PRSS38: variants seen among roughly 807,000 people sequenced by gnomAD.
PRSS38 encodes the protein marapsin 2.
In PRSS38, 22 loss-of-function variants were observed where a neutral mutation model predicts 26.8. The observed-to-expected ratio is 0.82, with a 90% CI of 0.59 to 1.17. The LOEUF (loss-of-function observed/expected upper bound fraction) is 1.17, where lower values mean the gene tolerates loss of function less well. PRSS38 is among the 50% of genes most tolerant of loss of function. PRSS38 has a pLI of 0.00. For missense variants in PRSS38, 427 were observed against 422.7 expected (o/e 1.01, Z -0.09); for synonymous variants, 175 against 172.1 (o/e 1.02, Z -0.13).
exon 1 of PRSS38, chr1:227,815,780 C>T: frequency 1.2e-6 from 2 of 1,612,334 alleles, no homozygotes; most frequent in South Asian, 2.2e-5. Flanking sequence ...TCTGCTGCTG[C>T]TCCTGGTGGT....
At chr1:227,824,106 T>C (rs972000185) in intron 3 of PRSS38, among the ~76,000 whole-genome samples, 1 of 152,160 alleles carries the variant, frequency 6.6e-6, no homozygotes, top group Non-Finnish European at 1.5e-5. Context: ...ATGCAAGAGG[T>C]GCAGTTTTGT....
At position 227,844,632 on chromosome 1, in the gene PRSS38, T is replaced by C. The variant is rs543977247; in HGVS notation, c.584-838T>C. Among the ~76,000 whole-genome samples, 12 of 143,218 alleles carry C rather than the reference T, an allele frequency of 8.4e-5. No homozygotes were observed. The South Asian group carries it at 2.5e-3, about 30-fold the overall frequency. The allele number at this position is 143,218 out of a possible 152,430, so 94.0% of individuals were successfully genotyped here. On this transcript the variant is annotated intron_variant, in intron 3 of 4. Transcript: ENST00000366757. ...GTGTGGTGGGGCTCCTCCCTATGTG[T>C]GGTGGGGCTCCTCCTTATGTGTGGT...
chr1:227,845,799 C>T (rs1034350282), intron 4 of PRSS38, among the ~76,000 whole-genome samples, 155 bp from the exon 5 acceptor site: 1 of 152,212 alleles, frequency 6.6e-6, no homozygotes, highest in Non-Finnish European at 1.5e-5. Flanking sequence ...CAACTCTGGG[C>T]TGTGTTGCAG....
intron 3 of PRSS38, among the ~76,000 whole-genome samples, chr1:227,828,824 C>A (rs1665111391): frequency 6.6e-6 from 1 of 152,164 alleles, no homozygotes; most frequent in Non-Finnish European, 1.5e-5. Flanking sequence ...GTATACAAAA[C>A]TCCTGGGTCT....
At chr1:227,836,902 C>T (rs940502483) in intron 3 of PRSS38, among the ~76,000 whole-genome samples, 1 of 152,196 alleles carries the variant, frequency 6.6e-6, no homozygotes, top group Admixed American at 6.5e-5. Flanking sequence ...ATTGGAGTTA[C>T]AATGAATTTT....
chr1:227,846,161 A>C, exon 5 of PRSS38: 5 of 1,613,146 alleles, frequency 3.1e-6, no homozygotes, highest in Non-Finnish European at 3.4e-6. Flanking sequence ...TCTGGGGCCC[A>C]CTCTCAGCGT....
chr1:227,822,920 T>A (rs935455768), intron 3 of PRSS38, among the ~76,000 whole-genome samples: 1 of 152,240 alleles, frequency 6.6e-6, no homozygotes, highest in African/African-American at 2.4e-5. Context: ...CTTTTCCAAT[T>A]TATTTACTTT....
At chr1:227,822,170 TTC>T (rs1382018629) in intron 3 of PRSS38, among the ~76,000 whole-genome samples, 1 of 152,110 alleles carries the variant, frequency 6.6e-6, no homozygotes, top group Non-Finnish European at 1.5e-5. Context: ...ATGCCAAATA[TTC>T]TGTTTGGTTC....
Position 227,816,025 on chromosome 1 carries a change from C to T in PRSS38, c.149-65C>T, listed in dbSNP as rs1304556544. On this transcript the variant is annotated intron_variant, in intron 1 of 4. Transcript: ENST00000366757. This position sits in a 1 kb window ranked among gnomAD's most constrained non-coding sequence, Gnocchi z 5.1. ...TGTCCCCTGCCCCTCCCCCACGTCC[C>T]CTGCCTGCCCTACCTCTCCCGTGGC... is the stretch of plus-strand genomic sequence containing the variant. 12 of 1,561,614 alleles carry T rather than the reference C, an allele frequency of 7.7e-6. No homozygotes were observed. Among genetic ancestry groups the T allele is most frequent in the South Asian group, 1.2e-5 (1 of 84,264 alleles).
At chr1:227,826,720 A>AG (rs2102677136) in intron 3 of PRSS38, among the ~76,000 whole-genome samples, 1 of 149,112 alleles carries the variant, frequency 6.7e-6, no homozygotes, top group Non-Finnish European at 1.5e-5. Flanking sequence ...CATCTCAAGA[A>AG]AAAAAAAAAA....
rs542841630 is a variant in PRSS38 at position 227,836,733 on chromosome 1, T to C, written c.584-8737T>C. On this transcript the variant is annotated intron_variant, in intron 3 of 4. Coordinates refer to ENST00000366757, the Ensembl canonical transcript of PRSS38. Reference sequence around the variant, plus strand: ...AAAAGCTTCCATAACAGAATTTTCATTGGAAACTCTCATCTTTCATGTGAG... The same window carrying C: ...AAAAGCTTCCATAACAGAATTTTCACTGGAAACTCTCATCTTTCATGTGAG... 1.1e-4 allele frequency among the ~76,000 whole-genome samples: 16 copies of C among 152,258 alleles called. No individual in the cohort carries two copies. The East Asian group carries it at 2.3e-3, about 22-fold the overall frequency.
At chr1:227,824,074 A>T (rs1331399897) in intron 3 of PRSS38, among the ~76,000 whole-genome samples, 1 of 151,936 alleles carries the variant, frequency 6.6e-6, no homozygotes, top group Non-Finnish European at 1.5e-5. Context: ...TTTTTCTTCA[A>T]CTTTTAAGTT....
chr1:227,841,657 T>C (rs554247801), intron 3 of PRSS38, among the ~76,000 whole-genome samples: 17 of 152,200 alleles, frequency 1.1e-4, no homozygotes, highest in Non-Finnish European at 2.1e-4. Context: ...TCACTAGTCT[T>C]TCATTTTTAA....
At chr1:227,827,958 A>G (rs1396597719) in intron 3 of PRSS38, among the ~76,000 whole-genome samples, 2 of 152,240 alleles carry the variant, frequency 1.3e-5, no homozygotes, top group African/African-American at 2.4e-5. Flanking sequence ...ACCTAAAATC[A>G]TTCAAGAGCA....
chr1:227,837,505 C>T (rs1423453144), intron 3 of PRSS38, among the ~76,000 whole-genome samples: 2 of 152,166 alleles, frequency 1.3e-5, no homozygotes, highest in Admixed American at 6.5e-5. Flanking sequence ...TGCTAATAGA[C>T]GTCTGGGTTG....
intron 4 of PRSS38, 126 bp downstream of exon 4, chr1:227,845,738 G>GCGATGTATGA: frequency 7.8e-7 from 1 of 1,275,664 alleles, no homozygotes; most frequent in Non-Finnish European, 1.1e-6. Context: ...GCTGAGCAGG[G>GCGATGTATGA]CGATGTATGA....
chr1:227,815,953 G>T, intron 1 of PRSS38, 89 bp downstream of exon 1: 2 of 1,509,730 alleles, frequency 1.3e-6, no homozygotes, highest in East Asian at 2.3e-5. Flanking sequence ...CATGTCGCCT[G>T]CCCATCCCTT....
intron 3 of PRSS38, 67 bp downstream of exon 3, chr1:227,817,547 G>T: frequency 1.3e-6 from 2 of 1,538,648 alleles, no homozygotes; most frequent in South Asian, 1.2e-5. Flanking sequence ...GGAAGAAAAT[G>T]CTCTGCCAGC....
At chr1:227,840,173 G>A (rs1195765649) in intron 3 of PRSS38, among the ~76,000 whole-genome samples, 2 of 152,132 alleles carry the variant, frequency 1.3e-5, no homozygotes, top group African/African-American at 4.8e-5. Context: ...TTAGGCTAGA[G>A]TGCAGTGCGG....
Sources: allele counts gnomAD v4.1 joint callset (sites outside exome capture counted in the v4.1 genomes callset), GRCh38; gene constraint gnomAD v4.1.1; non-coding constraint Gnocchi (gnomAD v3.1); transcripts MANE v1.5; gene names NCBI Gene and HGNC (gene_info 2026-07-23, HGNC 2026-07-21).